Variants in HTR2A observed in about 807,000 individuals in gnomAD.
HTR2A encodes 5-hydroxytryptamine receptor 2A, also known as 5-HT2 receptor.
Under a neutral mutation model 31.0 loss-of-function variants are expected in HTR2A, and 14 were observed. The ratio of observed to expected loss-of-function variants is 0.45; its 90% CI spans 0.30 to 0.71. The LOEUF is 0.71. Ranked by LOEUF, HTR2A falls within the 30% of genes least tolerant of loss-of-function variation. HTR2A has a pLI of 0.09. For missense variants in HTR2A, 442 were observed against 573.3 expected (o/e 0.77, Z 2.34); for synonymous variants, 209 against 225.2 (o/e 0.93, Z 0.64).
At chr13:46,846,451 C>A (rs1950643539) in intron 3 of HTR2A, among the ~76,000 whole-genome samples, 2 of 152,116 alleles carry the variant, frequency 1.3e-5, no homozygotes, top group African/African-American at 4.8e-5. Context: ...AGTTTAATAT[C>A]ATCTTTATAT....
At position 46,881,625 on chromosome 13, in the gene HTR2A, T is replaced by C. The variant is rs75705710; in HGVS notation, c.613+10765A>G. ...TGGTAGATGCTAACTTACCATATGA[T>C]CTCCCAGAAGTGGAAGTGAGGACAG... On this transcript the variant is annotated intron_variant, in intron 3 of 3. Coordinates refer to ENST00000542664, the MANE Select transcript of HTR2A (RefSeq NM_000621.5). Among the ~76,000 whole-genome samples, 1,264 of 152,324 alleles carry C rather than the reference T, an allele frequency of 8.3e-3. 17 individuals carry two copies. The highest frequency in any genetic ancestry group is 0.029 in the African/African-American group (1,196 of 41,574).
Position 46,895,763 on chromosome 13 carries a change from G to A in HTR2A, c.144C>T (p.Asp48=). 6.2e-7 allele frequency: 1 copy of A among 1,614,220 alleles called. No individual in the cohort carries two copies. The highest frequency in any genetic ancestry group is 8.5e-7 in the Non-Finnish European group (1 of 1,180,044). The part of the protein sequence containing the change: ...NTSDAFNWTV[D]SENRTNLSCE... Reference sequence around the variant, plus strand: ...AGGAAAGGTTGGTTCGATTTTCAGAGTCGACTGTCCAGTTAAATGCATCAG... The same window carrying A: ...AGGAAAGGTTGGTTCGATTTTCAGAATCGACTGTCCAGTTAAATGCATCAG... Residue 48 remains aspartate, a synonymous_variant, in exon 2 of 4, where the codon GAC becomes GAT. Coordinates refer to ENST00000542664, the MANE Select transcript of HTR2A (RefSeq NM_000621.5). This position sits in a 1 kb window ranked among gnomAD's most constrained non-coding sequence, Gnocchi z 4.4.
intron 3 of HTR2A, among the ~76,000 whole-genome samples, chr13:46,858,598 T>G (rs1360611067): frequency 1.3e-5 from 2 of 152,162 alleles, no homozygotes; most frequent in South Asian, 2.1e-4. Flanking sequence ...CTGGCATGAG[T>G]GTGAACTGGA....
At chr13:46,891,729 G>A (rs146646975) in intron 3 of HTR2A, among the ~76,000 whole-genome samples, 2 of 152,292 alleles carry the variant, frequency 1.3e-5, no homozygotes, top group Non-Finnish European at 2.9e-5. Flanking sequence ...CCTGAGACCC[G>A]CCCCCTTAGC....
intron 3 of HTR2A, among the ~76,000 whole-genome samples, chr13:46,885,541 A>T (rs779084592): frequency 2.0e-5 from 3 of 152,186 alleles, no homozygotes; most frequent in Non-Finnish European, 2.9e-5. Context: ...ACATAATCCA[A>T]CCTTTCCATT....
At chr13:46,845,367 G>T (rs1264460344) in intron 3 of HTR2A, among the ~76,000 whole-genome samples, 1 of 152,106 alleles carries the variant, frequency 6.6e-6, no homozygotes, top group Non-Finnish European at 1.5e-5. Flanking sequence ...CTGGGCCCAG[G>T]TGAGCCTGGA....
At chr13:46,855,563 C>T (rs575508595) in intron 3 of HTR2A, among the ~76,000 whole-genome samples, 13 of 152,066 alleles carry the variant, frequency 8.5e-5, no homozygotes, top group East Asian at 5.8e-4. Context: ...CTTATGCTTC[C>T]GGGACATTCT....
chr13:46,867,575 A>G (rs1950827672), intron 3 of HTR2A, among the ~76,000 whole-genome samples: 2 of 152,196 alleles, frequency 1.3e-5, no homozygotes, highest in Admixed American at 1.3e-4. Context: ...GGATTTTTGA[A>G]TAGTGAATAA....
chr13:46,853,028 A>G (rs1236567481), intron 3 of HTR2A, among the ~76,000 whole-genome samples: 2 of 151,452 alleles, frequency 1.3e-5, no homozygotes, highest in Non-Finnish European at 2.9e-5. Context: ...TTTCTCCTTA[A>G]TATAGTGCAT....
rs760300386 is a variant in HTR2A, at chr13:46,832,786, C to T, written c.*2051G>A. On this transcript the variant is annotated 3_prime_UTR_variant, in exon 4 of 4. Transcript: ENST00000542664. The stretch of plus-strand genomic sequence containing the variant: ...ATTTCCAAATTACACAATGACACTT[C>T]CCACATTCTTTAGTTTTCAAATCTG... 1 of 152,152 alleles carries T rather than the reference C, an allele frequency of 6.6e-6. No individual in the cohort carries two copies. The allele number at this position is 152,152 out of a possible 1,614,324, so 9.4% of individuals were successfully genotyped here. A position where few individuals can be genotyped will look rare whatever the true frequency, so the allele number is the denominator to read the frequency against.
At chr13:46,851,373 A>G (rs1037950067) in intron 3 of HTR2A, among the ~76,000 whole-genome samples, 9 of 152,242 alleles carry the variant, frequency 5.9e-5, no homozygotes, top group African/African-American at 1.9e-4. Context: ...GATACATTGT[A>G]TATTCTGGTT....
chr13:46,867,053 T>C (rs1281219148), intron 3 of HTR2A, among the ~76,000 whole-genome samples: 3 of 152,042 alleles, frequency 2.0e-5, no homozygotes, highest in African/African-American at 7.2e-5. Context: ...GGGAGATAGA[T>C]AAAGCTTGGT....
chr13:46,892,875 C>T (rs981125612), intron 2 of HTR2A, among the ~76,000 whole-genome samples: 8 of 152,144 alleles, frequency 5.3e-5, no homozygotes, highest in Non-Finnish European at 1.0e-4. Context: ...CTTTCTTCCC[C>T]CTTACGCCTG....
At chr13:46,836,697 C>T (rs1309708168) in intron 3 of HTR2A, among the ~76,000 whole-genome samples, 1 of 152,160 alleles carries the variant, frequency 6.6e-6, no homozygotes, top group Non-Finnish European at 1.5e-5. Context: ...TCCATATGTC[C>T]TCTGGCTGCC....
In HTR2A at chr13:46,893,871, ACT is replaced by A. The variant is rs1163339241; in HGVS notation, c.413-1283_413-1282del. On this transcript the variant is annotated intron_variant, in intron 2 of 3. Transcript: ENST00000542664. Reference sequence around the variant, plus strand: ...CGAACAAACTCCAACGCAAACGTACACTCTCTACCAAAATGCCACAAGGGATA... The same window carrying A: ...CGAACAAACTCCAACGCAAACGTACACTCTACCAAAATGCCACAAGGGATA... 2.6e-5 allele frequency among the ~76,000 whole-genome samples: 4 copies of A among 152,292 alleles called. No homozygotes were observed. In the East Asian group the frequency reaches 5.8e-4, roughly 22 times the overall value.
intron 3 of HTR2A, among the ~76,000 whole-genome samples, chr13:46,840,318 T>C (rs915921827): frequency 7.9e-5 from 12 of 152,110 alleles, no homozygotes; most frequent in African/African-American, 2.4e-4. Flanking sequence ...CCTTCTAATC[T>C]ATGTATGGTG....
chr13:46,894,852 T>C (rs918334047), intron 2 of HTR2A, among the ~76,000 whole-genome samples: 3 of 152,204 alleles, frequency 2.0e-5, no homozygotes, highest in African/African-American at 7.2e-5. Flanking sequence ...TTTATGCATA[T>C]GCATTTTCAA....
At position 46,892,902 on chromosome 13, in the gene HTR2A, G is replaced by T. The variant is rs540675312; in HGVS notation, c.413-312C>A. 7.1e-4 allele frequency among the ~76,000 whole-genome samples: 108 copies of T among 152,228 alleles called. 2 individuals carry two copies. The highest frequency in any genetic ancestry group is 3.8e-3 in the Admixed American group (58 of 15,290). ...TTACGCCTGGCAAAACATTTCTTTT[G>T]TTAATGGCTTATGTCAAAATTTGTG... On this transcript the variant is annotated intron_variant, in intron 2 of 3. Coordinates refer to ENST00000542664, the MANE Select transcript of HTR2A (RefSeq NM_000621.5).
chr13:46,888,086 C>CA (rs10666389), intron 3 of HTR2A, among the ~76,000 whole-genome samples: 107,229 of 148,930 alleles, frequency 0.72, 38,550 homozygotes, highest in East Asian at 0.83. Context: ...AAGAACAAAG[C>CA]AAAAAAAAAA....
Sources: gnomAD v4.1 joint callset for allele counts (sites outside exome capture counted in the v4.1 genomes callset) on GRCh38, gnomAD v4.1.1 for gene constraint, Gnocchi (gnomAD v3.1) non-coding constraint, MANE v1.5 for transcripts, NCBI Gene and HGNC (gene_info 2026-07-23, HGNC 2026-07-21) for gene names.